CCDC7: variants seen among roughly 807,000 people sequenced by gnomAD.
CCDC7 encodes coiled-coil domain-containing protein 7.
A neutral mutation model predicts 196.9 loss-of-function variants in CCDC7; 183 were observed. The observed-to-expected ratio is 0.93, with a 90% CI of 0.82 to 1.05. CCDC7 has a LOEUF of 1.05. Ranked by LOEUF, CCDC7 falls within the 50% of genes least tolerant of loss-of-function variation. CCDC7 has a pLI of 0.00. For missense variants in CCDC7, 1,540 were observed against 1,482.2 expected, an observed-to-expected ratio of 1.04 and a Z score of -0.64; for synonymous variants, 525 against 484.6, an observed-to-expected ratio of 1.08 and a Z score of -1.10.
chr10:32,845,752 A>G, intron 35 of CCDC7, 124 bp from the exon 37 acceptor site: 1 of 1,081,560 alleles, frequency 9.2e-7, no homozygotes, highest in Non-Finnish European at 1.4e-6. Flanking sequence ...ATTCTTCATG[A>G]ATACCCTTCC....
intron 28 of CCDC7, among the ~76,000 whole-genome samples, chr10:32,734,988 A>G (rs1343757440): frequency 2.6e-5 from 4 of 152,172 alleles, no homozygotes; most frequent in African/African-American, 7.2e-5. Flanking sequence ...TGTTTATCTG[A>G]TATTTGTACA....
intron 8 of CCDC7, among the ~76,000 whole-genome samples, chr10:32,484,430 T>A (rs1461526425): frequency 6.6e-6 from 1 of 152,240 alleles, no homozygotes; most frequent in African/African-American, 2.4e-5. Context: ...TATACAGTCA[T>A]GTCATCTGCA....
chr10:32,491,118 G>T (rs1309625903), intron 8 of CCDC7, among the ~76,000 whole-genome samples: 1 of 151,964 alleles, frequency 6.6e-6, no homozygotes. Flanking sequence ...TTAAGGCTTA[G>T]CTTCTTTATG....
At chr10:32,879,185 T>A (rs1239103268), downstream of CCDC7, among the ~76,000 whole-genome samples, 2 of 151,046 alleles carry the variant, frequency 1.3e-5, no homozygotes, top group Non-Finnish European at 3.0e-5. Flanking sequence ...TTTAAAAAAA[T>A]TTTGATTATC....
intron 11 of CCDC7, among the ~76,000 whole-genome samples, chr10:32,519,188 T>C (rs2047504138): frequency 6.6e-6 from 1 of 152,144 alleles, no homozygotes; most frequent in Non-Finnish European, 1.5e-5. Flanking sequence ...GTCATATATG[T>C]TCAGTTTAGG....
chr10:32,590,782 C>G (rs2059710660), intron 18 of CCDC7, among the ~76,000 whole-genome samples: 1 of 152,074 alleles, frequency 6.6e-6, no homozygotes, highest in South Asian at 2.1e-4. Flanking sequence ...CTTTTTCCTT[C>G]AGCTCTTTAA....
At chr10:32,873,267 C>T (rs112122427) in intron 41 of CCDC7, among the ~76,000 whole-genome samples, 99 of 151,782 alleles carry the variant, frequency 6.5e-4, no homozygotes, top group South Asian at 2.5e-3. Flanking sequence ...AAACTCTTCT[C>T]GCTTCTTTTT....
chr10:32,647,984 C>A (rs1334019156), intron 20 of CCDC7, among the ~76,000 whole-genome samples: 2 of 152,198 alleles, frequency 1.3e-5, no homozygotes, highest in Non-Finnish European at 2.9e-5. Context: ...ATCTTTAATC[C>A]ATTTTGAGTT....
rs749922864 is a variant in CCDC7, at chr10:32,584,752, CAAAAAAAA to C, written c.1801+466_1801+473del. 2.3e-4 allele frequency among the ~76,000 whole-genome samples: 13 copies of C among 56,334 alleles called. No homozygotes were observed. The East Asian group carries it at 7.1e-3, about 31-fold the overall frequency. 37.0% of individuals were successfully genotyped at this position (56,334 alleles called of 152,430 possible). A position where few individuals can be genotyped will look rare whatever the true frequency, so the allele number is the denominator to read the frequency against. The stretch of plus-strand genomic sequence containing the variant: ...TGGGCGACAGAGTGACACTTCATCT[CAAAAAAAA>C]AAAAAAAAAAAAAAAAAGATTGGTG... On this transcript the variant is annotated intron_variant, in intron 18 of 41. Coordinates refer to ENST00000639629, the Ensembl canonical transcript of CCDC7.
At chr10:32,668,568 T>A (rs1274938592) in intron 21 of CCDC7, among the ~76,000 whole-genome samples, 1 of 152,212 alleles carries the variant, frequency 6.6e-6, no homozygotes, top group Non-Finnish European at 1.5e-5. Flanking sequence ...TATTGAGAAT[T>A]TTTTAGCATG....
At chr10:32,455,302 TTTA>T (rs927835113) in intron 2 of CCDC7, among the ~76,000 whole-genome samples, 122 of 151,040 alleles carry the variant, frequency 8.1e-4, no homozygotes, top group Middle Eastern at 3.4e-3. Flanking sequence ...TATTTATTTA[TTTA>T]TTTATTTTAT....
chr10:32,861,174 C>T (rs1180156682), intron 41 of CCDC7, among the ~76,000 whole-genome samples: 1 of 139,492 alleles, frequency 7.2e-6, no homozygotes, highest in Non-Finnish European at 1.5e-5. Flanking sequence ...TCAAACTATA[C>T]TACAAGGCCA....
chr10:32,564,882 C>T (rs1425000114), intron 13 of CCDC7, among the ~76,000 whole-genome samples: 2 of 151,974 alleles, frequency 1.3e-5, no homozygotes, highest in Non-Finnish European at 2.9e-5. Flanking sequence ...AAGGCTGAGG[C>T]AGGAGGATGG....
At chr10:32,666,176 T>G (rs1440657207) in intron 21 of CCDC7, among the ~76,000 whole-genome samples, 1 of 151,142 alleles carries the variant, frequency 6.6e-6, no homozygotes, top group Non-Finnish European at 1.5e-5. Context: ...TTAGTCCTTG[T>G]GGTAGTCCTT....
At chr10:32,620,469 AT>A (rs146770905) in intron 18 of CCDC7, among the ~76,000 whole-genome samples, 22,670 of 144,252 alleles carry the variant, frequency 0.16, 2,006 homozygotes, top group African/African-American at 0.26. Context: ...CCTTTATCAC[AT>A]TTTTTTTTTC....
In CCDC7 at chr10:32,571,855, A is replaced by T; in HGVS notation, c.1420-4A>T. The stretch of plus-strand genomic sequence containing the variant: ...TTTTAAATGTAGTATTATCTTTATC[A>T]CAGATCACTGCCCAAAGCGGAAGAC... On this transcript the variant is annotated splice_region_variant and splice_polypyrimidine_tract_variant and intron_variant, in intron 15 of 41. Coordinates refer to ENST00000639629, the Ensembl canonical transcript of CCDC7. 6.4e-7 allele frequency: 1 copy of T among 1,563,554 alleles called. No homozygotes were observed. Among genetic ancestry groups the T allele is most frequent in the Admixed American group, 2.0e-5 (1 of 50,294 alleles).
intron 18 of CCDC7, among the ~76,000 whole-genome samples, chr10:32,598,633 C>G (rs2060671776): frequency 6.6e-6 from 1 of 152,154 alleles, no homozygotes. Flanking sequence ...ACCCCTGTCT[C>G]AAGATATTTT....
intron 9 of CCDC7, among the ~76,000 whole-genome samples, chr10:32,506,573 T>G (rs1345450534): frequency 6.6e-6 from 1 of 152,076 alleles, no homozygotes; most frequent in Admixed American, 6.5e-5. Flanking sequence ...CATTGAGCAT[T>G]GAGTGAGTGA....
intron 20 of CCDC7, among the ~76,000 whole-genome samples, chr10:32,661,575 G>T (rs2071456913): frequency 6.6e-6 from 1 of 151,986 alleles, no homozygotes; most frequent in African/African-American, 2.4e-5. Flanking sequence ...GGGCCCAAGG[G>T]CTCTTTAGTC....
Sources: allele counts gnomAD v4.1 joint callset (sites outside exome capture counted in the v4.1 genomes callset), GRCh38; gene constraint gnomAD v4.1.1; transcripts MANE v1.5; gene names NCBI Gene and HGNC (gene_info 2026-07-23, HGNC 2026-07-21).